Variants in CELF2 observed in about 807,000 individuals in gnomAD.
CELF2 encodes the protein CUGBP Elav-like family member 2.
In CELF2, 8 loss-of-function variants were observed where a neutral mutation model predicts 62.6. The ratio of observed to expected loss-of-function variants is 0.13; its 90% CI spans 0.07 to 0.23. The LOEUF (loss-of-function observed/expected upper bound fraction) is 0.23, where lower values mean the gene tolerates loss of function less well. CELF2 is among the 10% of genes least tolerant of loss of function. CELF2 has a pLI of 1.00. For missense variants in CELF2, 333 were observed against 671.0 expected (o/e 0.50, Z 5.56); for synonymous variants, 258 against 250.0 (o/e 1.03, Z -0.30).
At chr10:10,824,211 C>T (rs571425716) in intron 1 of CELF2, among the ~76,000 whole-genome samples, 6 of 152,252 alleles carry the variant, frequency 3.9e-5, no homozygotes, top group African/African-American at 9.6e-5. Context: ...AAGAACTTTA[C>T]GAAAGCCTTT....
chr10:11,005,071 C>T (rs1296814391), upstream of CELF2: 1 of 985,144 alleles, frequency 1.0e-6, no homozygotes, highest in South Asian at 4.7e-5. This position sits in a 1 kb window ranked among gnomAD's most constrained non-coding sequence, Gnocchi z 4.3. Context: ...AGAAGTAATA[C>T]CAGCCAGGCT....
At chr10:11,007,341 G>T (rs2055460230) in intron 1 of CELF2, among the ~76,000 whole-genome samples, 1 of 152,122 alleles carries the variant, frequency 6.6e-6, no homozygotes. Flanking sequence ...CTATTTTTTA[G>T]AATTTGGACG....
intron 2 of CELF2, among the ~76,000 whole-genome samples, chr10:10,985,330 GT>G (rs1004234732): frequency 7.2e-6 from 1 of 138,132 alleles, no homozygotes; most frequent in African/African-American, 3.1e-5. Context: ...GCTATTAGAA[GT>G]AAAAAAAAAA....
chr10:11,303,442 G>A (rs1177041822), intron 9 of CELF2, among the ~76,000 whole-genome samples: 3 of 152,234 alleles, frequency 2.0e-5, no homozygotes, highest in Non-Finnish European at 4.4e-5. Flanking sequence ...TGCAAGTGCT[G>A]TAAAATGAAG....
chr10:11,167,038 C>T (rs1312008977), intron 2 of CELF2, among the ~76,000 whole-genome samples: 1 of 152,224 alleles, frequency 6.6e-6, no homozygotes, highest in Admixed American at 6.5e-5. Flanking sequence ...TCAAAAAGCA[C>T]ATAGAATGTT....
chr10:10,756,189 T>C, the CELF2 span, among the ~76,000 whole-genome samples: 7 of 152,266 alleles, frequency 4.6e-5, no homozygotes, highest in Admixed American at 2.0e-4. Context: ...ACTATTTCTT[T>C]CCATTTCTAT....
At chr10:10,472,737 G>T in the CELF2 span, among the ~76,000 whole-genome samples, 1 of 151,948 alleles carries the variant, frequency 6.6e-6, no homozygotes, top group African/African-American at 2.4e-5. Context: ...TAATTTGCCT[G>T]GACATTAATG....
the CELF2 span, among the ~76,000 whole-genome samples, chr10:10,599,742 G>GTT: frequency 2.6e-5 from 2 of 75,814 alleles, no homozygotes; most frequent in African/African-American, 9.8e-5. Flanking sequence ...TTTTTTTTTT[G>GTT]TTTTTTTGAG....
At chr10:11,023,632 G>A (rs950083053) in intron 1 of CELF2, among the ~76,000 whole-genome samples, 18 of 152,140 alleles carry the variant, frequency 1.2e-4, no homozygotes, top group Non-Finnish European at 7.3e-5. Context: ...TAAAAGAAAG[G>A]GGAAGACATT....
upstream of CELF2, among the ~76,000 whole-genome samples, chr10:10,793,431 T>A (rs2053968001): frequency 6.6e-6 from 1 of 152,154 alleles, no homozygotes; most frequent in Non-Finnish European, 1.5e-5. Context: ...TTTTTTACAG[T>A]GGGAGCTGAT....
the CELF2 span, among the ~76,000 whole-genome samples, chr10:10,538,097 A>C: frequency 2.0e-5 from 3 of 152,156 alleles, no homozygotes; most frequent in African/African-American, 7.2e-5. Flanking sequence ...CTCAGGCATA[A>C]AGGGGAAGGC....
In CELF2 at chr10:11,270,415, T is replaced by G. The variant is rs766786576; in HGVS notation, c.619-251T>G. On this transcript the variant is annotated intron_variant, in intron 6 of 12. Transcript: ENST00000633077. The surrounding 1 kb of genome is among the most constrained non-coding windows in gnomAD (Gnocchi z 5.8). The stretch of plus-strand genomic sequence containing the variant: ...GACACAGGAAGAGAAGGAGAGGCAG[T>G]TACTAATCAGAGCAAGAAAGCAAGT... Among the ~76,000 whole-genome samples the G allele has an allele frequency of 6.6e-6, 1 of 152,058 alleles. No individual in the cohort carries two copies. Among genetic ancestry groups the G allele is most frequent in the Non-Finnish European group, 1.5e-5 (1 of 68,000 alleles).
At chr10:11,121,926 C>T (rs17149572) in intron 1 of CELF2, among the ~76,000 whole-genome samples, 11,974 of 152,198 alleles carry the variant, frequency 0.079, 665 homozygotes, top group African/African-American at 0.16. Flanking sequence ...CAAGAAAGGG[C>T]TCAGTGCAGA....
At chr10:10,506,065 A>C in the CELF2 span, among the ~76,000 whole-genome samples, 1 of 145,496 alleles carries the variant, frequency 6.9e-6, no homozygotes, top group Non-Finnish European at 1.5e-5. Context: ...CAGAAGCAGA[A>C]GTCGGTATTC....
intron 1 of CELF2, among the ~76,000 whole-genome samples, chr10:11,066,480 C>G (rs1404551400): frequency 6.6e-6 from 1 of 152,090 alleles, no homozygotes; most frequent in Non-Finnish European, 1.5e-5. Context: ...TCAGGTCACT[C>G]AAGGGCAGAG....
intron 1 of CELF2, among the ~76,000 whole-genome samples, chr10:11,085,189 A>G (rs977709018): frequency 6.6e-6 from 1 of 152,250 alleles, no homozygotes; most frequent in African/African-American, 2.4e-5. Context: ...CTTAAGGTTT[A>G]GTAGATACTG....
At chr10:10,849,410 A>C (rs928820756) in intron 1 of CELF2, among the ~76,000 whole-genome samples, 1 of 152,126 alleles carries the variant, frequency 6.6e-6, no homozygotes, top group African/African-American at 2.4e-5. Context: ...CCATCTCCAA[A>C]AACAAAAAAG....
the CELF2 span, among the ~76,000 whole-genome samples, chr10:10,505,183 C>T: frequency 1.3e-5 from 2 of 152,202 alleles, no homozygotes; most frequent in African/African-American, 4.8e-5. Flanking sequence ...CTGGCTTTCT[C>T]TGACATGCCT....
At chr10:10,815,069 G>A (rs985144205) in intron 1 of CELF2, among the ~76,000 whole-genome samples, 1 of 152,208 alleles carries the variant, frequency 6.6e-6, no homozygotes, top group Non-Finnish European at 1.5e-5. Flanking sequence ...ATGGGGCTTT[G>A]AGAAGATCAC....
Sources: allele counts gnomAD v4.1 joint callset (sites outside exome capture counted in the v4.1 genomes callset), GRCh38; gene constraint gnomAD v4.1.1; non-coding constraint Gnocchi (gnomAD v3.1); transcripts MANE v1.5; gene names NCBI Gene and HGNC (gene_info 2026-07-23, HGNC 2026-07-21).